The following FRMD5 variants were observed in gnomAD, a reference collection of about 807,000 sequenced individuals.
The protein encoded by FRMD5 is FERM domain-containing protein 5.
In FRMD5, 20 loss-of-function variants were observed where a neutral mutation model predicts 69.0. That is an observed-to-expected ratio of 0.29 (90% CI 0.20 to 0.42). FRMD5 has a LOEUF of 0.42. Ranked by LOEUF, FRMD5 falls within the 10% of genes least tolerant of loss-of-function variation. The probability of loss-of-function intolerance (pLI) is 1.00; values close to 1 mark genes in which losing one functional copy is unlikely to be tolerated. For synonymous variants in FRMD5, 271 were observed against 260.1 expected (o/e 1.04, Z -0.40); for missense variants, 595 against 708.6 (o/e 0.84, Z 1.82).
At chr15:44,129,403 C>T (rs2077067784) in intron 1 of FRMD5, among the ~76,000 whole-genome samples, 1 of 152,202 alleles carries the variant, frequency 6.6e-6, no homozygotes, top group African/African-American at 2.4e-5. Flanking sequence ...GAATCACAGA[C>T]TTTATCCCAG....
intron 1 of FRMD5, among the ~76,000 whole-genome samples, chr15:44,166,064 C>T (rs918396014): frequency 3.9e-5 from 6 of 152,054 alleles, no homozygotes; most frequent in African/African-American, 1.4e-4. Flanking sequence ...AAAGACTGTA[C>T]TGACTTAAAC....
At chr15:43,989,794 G>T in intron 1 of FRMD5, 1 of 1,046,518 alleles carries the variant, frequency 9.6e-7, no homozygotes, top group Non-Finnish European at 1.5e-6. Flanking sequence ...GTACATGGCT[G>T]GCCTGTCGAA....
intron 1 of FRMD5, among the ~76,000 whole-genome samples, chr15:44,104,971 A>G (rs1249526304): frequency 6.6e-6 from 1 of 152,030 alleles, no homozygotes; most frequent in Non-Finnish European, 1.5e-5. Context: ...TTCATTTCTC[A>G]GCTGACAGAT....
chr15:43,952,289 T>G (rs2090048563), intron 1 of FRMD5, among the ~76,000 whole-genome samples: 1 of 152,126 alleles, frequency 6.6e-6, no homozygotes, highest in South Asian at 2.1e-4. Context: ...GTATTTATGC[T>G]CAGGCTAATG....
chr15:43,963,865 A>C (rs1445225380), intron 1 of FRMD5, among the ~76,000 whole-genome samples: 3 of 152,078 alleles, frequency 2.0e-5, no homozygotes, highest in Non-Finnish European at 4.4e-5. Context: ...ATGAGAACAC[A>C]TGGACACAGG....
intron 1 of FRMD5, among the ~76,000 whole-genome samples, chr15:44,002,872 T>C (rs1005036146): frequency 5.3e-5 from 8 of 152,148 alleles, no homozygotes; most frequent in African/African-American, 1.7e-4. Flanking sequence ...TCTCCTCCCT[T>C]AATTCTAGTC....
chr15:43,873,546 ATTATTT>A lies in FRMD5; in HGVS notation c.*333_*338del, dbSNP rs2088222584. ...GCAATAATCAGTAATAGTAAAATAAATTATTTTTATTTGATACTTCAAAATAATATA... is the reference window on the plus strand; with the variant it reads ...GCAATAATCAGTAATAGTAAAATAAATTATTTGATACTTCAAAATAATATA... On this transcript the variant is annotated 3_prime_UTR_variant, in exon 14 of 14. Coordinates refer to ENST00000417257, the MANE Select transcript of FRMD5 (RefSeq NM_032892.5). The A allele has an allele frequency of 3.6e-6, 5 of 1,387,920 alleles. No individual in the cohort carries two copies. The highest frequency in any genetic ancestry group is 4.7e-6 in the Non-Finnish European group (5 of 1,069,892). The allele number at this position is 1,387,920 out of a possible 1,614,324, so 86.0% of individuals were successfully genotyped here.
intron 1 of FRMD5, among the ~76,000 whole-genome samples, chr15:44,059,210 C>A (rs949572381): frequency 3.3e-5 from 5 of 152,260 alleles, no homozygotes; most frequent in Admixed American, 6.5e-5. Flanking sequence ...AAGGTATTAT[C>A]TTAAGAGCTG....
chr15:43,936,619 T>C (rs2140477036), intron 1 of FRMD5, among the ~76,000 whole-genome samples: 1 of 152,140 alleles, frequency 6.6e-6, no homozygotes, highest in Non-Finnish European at 1.5e-5. Flanking sequence ...AGGATCAAAC[T>C]GGGGTAAGGG....
At chr15:43,963,886 T>C (rs906074698) in intron 1 of FRMD5, among the ~76,000 whole-genome samples, 1 of 151,900 alleles carries the variant, frequency 6.6e-6, no homozygotes, top group Non-Finnish European at 1.5e-5. Flanking sequence ...AAGGGGAACA[T>C]CACACACCAG....
chr15:44,189,501 T>C (rs1054278679), intron 1 of FRMD5, among the ~76,000 whole-genome samples: 7 of 151,840 alleles, frequency 4.6e-5, no homozygotes, highest in Admixed American at 3.9e-4. Context: ...TTTTTTTTTT[T>C]TTTTTGGGAC....
intron 4 of FRMD5, 111 bp downstream of exon 4, chr15:43,919,348 T>G: frequency 1.1e-6 from 1 of 891,540 alleles, no homozygotes; most frequent in South Asian, 1.3e-5. Flanking sequence ...GAAGAGTTCC[T>G]TGCCTCTAAG....
chr15:44,010,239 C>G (rs775114691), intron 1 of FRMD5, among the ~76,000 whole-genome samples: 3 of 152,146 alleles, frequency 2.0e-5, no homozygotes, highest in Non-Finnish European at 2.9e-5. Flanking sequence ...AGCAAGTTGC[C>G]TTCTGTCTCC....
At chr15:43,919,392 G>T in intron 4 of FRMD5, 67 bp downstream of exon 4, 1 of 1,374,446 alleles carries the variant, frequency 7.3e-7, no homozygotes, top group Non-Finnish European at 1.0e-6. Flanking sequence ...GCTCTAAGAG[G>T]TCACCATCCC....
intron 1 of FRMD5, among the ~76,000 whole-genome samples, chr15:44,024,741 T>C (rs1891357006): frequency 6.6e-6 from 1 of 152,248 alleles, no homozygotes; most frequent in Non-Finnish European, 1.5e-5. Context: ...AAGTCTGTTA[T>C]TTTTATCTTT....
At chr15:44,040,751 C>T (rs893642316) in intron 1 of FRMD5, among the ~76,000 whole-genome samples, 2 of 151,958 alleles carry the variant, frequency 1.3e-5, no homozygotes, top group Non-Finnish European at 2.9e-5. Flanking sequence ...GAAGAAACTG[C>T]ATCAACTAAC....
chr15:43,898,778 T>G (rs893880906), intron 7 of FRMD5, among the ~76,000 whole-genome samples: 2 of 151,906 alleles, frequency 1.3e-5, no homozygotes, highest in East Asian at 3.9e-4. Context: ...CCGCCAGGAG[T>G]TGAGGGCTGA....
At chr15:44,122,504 G>A (rs1454636450) in intron 1 of FRMD5, among the ~76,000 whole-genome samples, 1 of 152,014 alleles carries the variant, frequency 6.6e-6, no homozygotes, top group Non-Finnish European at 1.5e-5. Context: ...GCTTGAGCCT[G>A]GGAGGCAGAG....
At chr15:43,976,789 C>T (rs2090469770) in intron 1 of FRMD5, among the ~76,000 whole-genome samples, 1 of 152,146 alleles carries the variant, frequency 6.6e-6, no homozygotes, top group Admixed American at 6.5e-5. Flanking sequence ...GCCTCAGTCT[C>T]CCAAGTAGCT....
Sources: gnomAD v4.1 joint callset for allele counts (sites outside exome capture counted in the v4.1 genomes callset) on GRCh38, gnomAD v4.1.1 for gene constraint, MANE v1.5 for transcripts, NCBI Gene and HGNC (gene_info 2026-07-23, HGNC 2026-07-21) for gene names.